The following PLXDC1 variants were observed in gnomAD, a reference collection of about 807,000 sequenced individuals.
PLXDC1 encodes plexin domain containing 1.
In PLXDC1, 39 loss-of-function variants were observed where a neutral mutation model predicts 61.3. That is an observed-to-expected ratio of 0.64 (90% CI 0.49 to 0.83). The LOEUF is 0.83. PLXDC1 is among the 40% of genes least tolerant of loss of function. PLXDC1 has a pLI of 0.00. For missense variants in PLXDC1, 596 were observed against 666.5 expected (o/e 0.89, Z 1.17); for synonymous variants, 212 against 254.5 (o/e 0.83, Z 1.59).
intron 2 of PLXDC1, among the ~76,000 whole-genome samples, chr17:39,129,711 G>GGAAAGAAAGAAAGAAA (rs905924810): frequency 1.6e-4 from 17 of 108,324 alleles, no homozygotes; most frequent in African/African-American, 3.2e-4. Context: ...AAAGAAAGAA[G>GGAAAGAAAGAAAGAAA]GAAAGAAAGA....
At chr17:39,139,170 G>A (rs904751564) in intron 2 of PLXDC1, among the ~76,000 whole-genome samples, 3 of 152,188 alleles carry the variant, frequency 2.0e-5, no homozygotes, top group Non-Finnish European at 4.4e-5. Flanking sequence ...GTTGTCTCCA[G>A]GAGCTGCACC....
intron 11 of PLXDC1, among the ~76,000 whole-genome samples, chr17:39,076,069 C>T (rs1275434698): frequency 1.8e-5 from 2 of 111,392 alleles, no homozygotes; most frequent in Non-Finnish European, 3.4e-5. Context: ...CAGAGCAGGA[C>T]TAAGTCTGAA....
intron 7 of PLXDC1, chr17:39,097,089 C>A (rs1228320483): frequency 2.3e-6 from 1 of 443,598 alleles, no homozygotes; most frequent in Non-Finnish European, 4.8e-6. Flanking sequence ...CACCTCCCAT[C>A]CCCTTGCCTA....
At chr17:39,128,088 T>TATGTGTGTATATATATATATATA (rs1213213801) in intron 2 of PLXDC1, among the ~76,000 whole-genome samples, 2 of 104,678 alleles carry the variant, frequency 1.9e-5, no homozygotes, top group Admixed American at 9.9e-5. Context: ...TCTCTCTCTC[T>TATGTGTGTATATATATATATATA]CTCTATGTGT....
At chr17:39,105,485 A>G (rs1408273909) in intron 7 of PLXDC1, among the ~76,000 whole-genome samples, 1 of 152,046 alleles carries the variant, frequency 6.6e-6, no homozygotes, top group African/African-American at 2.4e-5. Context: ...CTGGCATCCT[A>G]TGATGCTCCC....
intron 2 of PLXDC1, among the ~76,000 whole-genome samples, chr17:39,109,688 GC>G (rs1910728787): frequency 2.0e-5 from 3 of 152,176 alleles, no homozygotes; most frequent in Admixed American, 2.0e-4. Context: ...GAGGCCGGCA[GC>G]CCCTGCATCC....
At chr17:39,128,736 T>G (rs980966505) in intron 2 of PLXDC1, among the ~76,000 whole-genome samples, 20 of 151,852 alleles carry the variant, frequency 1.3e-4, no homozygotes, top group African/African-American at 4.8e-4. Flanking sequence ...ACTCGCCGGG[T>G]GCAGTGGCTC....
intron 2 of PLXDC1, chr17:39,132,154 A>T (rs1336039986): frequency 6.6e-6 from 1 of 152,546 alleles, no homozygotes; most frequent in East Asian, 1.9e-4. Context: ...GATTTCCCCC[A>T]AACTCTGGCT....
chr17:39,152,667 A>T, upstream of PLXDC1: 1 of 1,236,714 alleles, frequency 8.1e-7, no homozygotes, highest in Non-Finnish European at 1.0e-6. Context: ...AAGGGTGCGA[A>T]CGCTGAGCGC....
At chr17:39,075,864 G>A (rs943242977) in intron 11 of PLXDC1, among the ~76,000 whole-genome samples, 1 of 152,178 alleles carries the variant, frequency 6.6e-6, no homozygotes, top group African/African-American at 2.4e-5. Flanking sequence ...GATCACATGA[G>A]GTCAGGAGTT....
chr17:39,095,321 GTTTGGTAATA>G (rs1249296888), intron 7 of PLXDC1, among the ~76,000 whole-genome samples: 1 of 149,322 alleles, frequency 6.7e-6, no homozygotes, highest in Admixed American at 6.7e-5. Context: ...TCGAGTGTGG[GTTTGGTAATA>G]TTTTTATTTT....
rs1197665694 is a variant in PLXDC1, at chr17:39,063,479, A to G, written c.*4361T>C. 2 of 703,020 alleles carry G rather than the reference A, an allele frequency of 2.8e-6. No homozygotes were observed. The highest frequency in any genetic ancestry group is 1.7e-5 in the African/African-American group (1 of 57,380). The allele number at this position is 703,020 out of a possible 1,614,324, so 43.5% of individuals were successfully genotyped here. A position where few individuals can be genotyped will look rare whatever the true frequency, so the allele number is the denominator to read the frequency against. The stretch of plus-strand genomic sequence containing the variant: ...AGGAAAGCACCTCTGATGAGCAGAT[A>G]GCTGGAGGCTGTTCCCACAGTCATG... On this transcript the variant is annotated 3_prime_UTR_variant, in exon 14 of 14. Coordinates refer to ENST00000315392, the MANE Select transcript of PLXDC1 (RefSeq NM_020405.5).
At chr17:39,152,781 A>G (rs2045382880), upstream of PLXDC1, 2 of 821,232 alleles carry the variant, frequency 2.4e-6, no homozygotes, top group Non-Finnish European at 3.3e-6. Context: ...AAAAAAAAAA[A>G]AAAGAAAAGA....
intron 7 of PLXDC1, among the ~76,000 whole-genome samples, chr17:39,102,212 T>A (rs1056092487): frequency 1.1e-4 from 17 of 152,128 alleles, no homozygotes; most frequent in Admixed American, 9.2e-4. Context: ...CCTGGTGCTC[T>A]GTGCATGGAT....
intron 9 of PLXDC1, chr17:39,081,023 C>T (rs1909537320): frequency 1.3e-5 from 2 of 152,866 alleles, no homozygotes; most frequent in Admixed American, 1.3e-4. Flanking sequence ...CCCAGGATCC[C>T]AGGGCTCATC....
rs190594115 is a variant in PLXDC1 at position 39,063,426 on chromosome 17, T to C, written c.*4414A>G. ...ACAGCTGGGGTTTCTTTTTAGGCTGTTTCTCTTGGAGGTGGTGCAGGAGGT... is the reference window on the plus strand; with the variant it reads ...ACAGCTGGGGTTTCTTTTTAGGCTGCTTCTCTTGGAGGTGGTGCAGGAGGT... On this transcript the variant is annotated 3_prime_UTR_variant, in exon 14 of 14. Coordinates refer to ENST00000315392, the MANE Select transcript of PLXDC1 (RefSeq NM_020405.5). The C allele has an allele frequency of 3.3e-4, 230 of 701,624 alleles. 1 individual carries two copies. The highest frequency in any genetic ancestry group is 3.2e-3 in the African/African-American group (185 of 57,322). 43.5% of individuals were successfully genotyped at this position (701,624 alleles called of 1,614,324 possible).
intron 11 of PLXDC1, among the ~76,000 whole-genome samples, chr17:39,077,661 G>T (rs1448687813): frequency 6.6e-6 from 1 of 152,200 alleles, no homozygotes; most frequent in Non-Finnish European, 1.5e-5. Context: ...ACAGTGAATT[G>T]TCTGTAGCCC....
Position 39,087,455 on chromosome 17 carries a change from G to T in PLXDC1, c.907+152C>A, listed in dbSNP as rs979431311. On this transcript the variant is annotated intron_variant, in intron 8 of 13. Coordinates refer to ENST00000315392, the MANE Select transcript of PLXDC1 (RefSeq NM_020405.5). ...CCCTTACCCTATCTCTGGGAGGGAG[G>T]TGGCATCAGGCTCGGGTTACAAAAG... is the stretch of plus-strand genomic sequence containing the variant. 39 of 640,760 alleles carry T rather than the reference G, an allele frequency of 6.1e-5. No individual in the cohort carries two copies. In the Admixed American group the frequency reaches 9.1e-4, roughly 15 times the overall value. 39.7% of individuals were successfully genotyped at this position (640,760 alleles called of 1,614,324 possible).
chr17:39,145,902 C>T (rs1255455735), intron 1 of PLXDC1, among the ~76,000 whole-genome samples: 1 of 152,110 alleles, frequency 6.6e-6, no homozygotes, highest in African/African-American at 2.4e-5. Context: ...AGGTTTGACA[C>T]TTTAACAAAA....
Sources: gnomAD v4.1 joint callset for allele counts (sites outside exome capture counted in the v4.1 genomes callset) on GRCh38, gnomAD v4.1.1 for gene constraint, MANE v1.5 for transcripts, NCBI Gene and HGNC (gene_info 2026-07-23, HGNC 2026-07-21) for gene names.